Variants in SEMA6D observed in about 807,000 individuals in gnomAD.
The protein encoded by SEMA6D is semaphorin 6D.
In SEMA6D, 35 loss-of-function variants were observed where a neutral mutation model predicts 106.6. The ratio of observed to expected loss-of-function variants is 0.33; its 90% CI spans 0.25 to 0.44. SEMA6D has a LOEUF of 0.44. Among genes scored for constraint, SEMA6D ranks in the 20% least tolerant of loss-of-function variants. SEMA6D has a pLI of 1.00. For missense variants in SEMA6D, 1,185 were observed against 1,345.9 expected, an observed-to-expected ratio of 0.88 and a Z score of 1.87; for synonymous variants, 499 against 487.7, an observed-to-expected ratio of 1.02 and a Z score of -0.31.
intron 1 of SEMA6D, among the ~76,000 whole-genome samples, chr15:47,208,106 C>G (rs1429308492): frequency 6.6e-6 from 1 of 151,406 alleles, no homozygotes; most frequent in East Asian, 1.9e-4. Context: ...GGTTTAAATC[C>G]TGTCTCTGCC....
At chr15:47,406,760 C>T (rs185811317) in intron 1 of SEMA6D, among the ~76,000 whole-genome samples, 17 of 141,040 alleles carry the variant, frequency 1.2e-4, no homozygotes, top group African/African-American at 4.4e-4. Context: ...GGGAGTAGAT[C>T]TCAAGTGTTC....
chr15:47,302,023 A>G (rs1235341473), intron 1 of SEMA6D, among the ~76,000 whole-genome samples: 5 of 152,236 alleles, frequency 3.3e-5, no homozygotes, highest in Admixed American at 6.5e-5. Flanking sequence ...AACAACAGTA[A>G]CAACCAAGTA....
intron 3 of SEMA6D, among the ~76,000 whole-genome samples, chr15:47,482,442 A>C (rs2043178047): frequency 6.6e-6 from 1 of 152,060 alleles, no homozygotes; most frequent in African/African-American, 2.4e-5. Context: ...CCTTCTCAAC[A>C]CAGTCCTCTG....
intron 3 of SEMA6D, among the ~76,000 whole-genome samples, chr15:47,476,929 G>A (rs894317954): frequency 2.6e-5 from 4 of 152,134 alleles, no homozygotes; most frequent in East Asian, 1.9e-4. Flanking sequence ...ACAGGAGACC[G>A]TAATACTTAG....
intron 1 of SEMA6D, among the ~76,000 whole-genome samples, chr15:47,249,480 C>T (rs1346817693): frequency 6.6e-6 from 1 of 151,568 alleles, no homozygotes; most frequent in Non-Finnish European, 1.5e-5. Context: ...TCAACCACCC[C>T]CCTACTCTCT....
rs1258338355 is a variant in SEMA6D at position 47,348,723 on chromosome 15, C to CAGAGAGAGAGAGAGAGAGAGAGAG, written c.-238-63669_-238-63668insGAGAGAGAGAGAGAGAGAGAGAGA. On this transcript the variant is annotated intron_variant, in intron 1 of 19. Coordinates refer to the SEMA6D transcript ENST00000558014. ...CACACACACACACACACACACCACA[C>CAGAGAGAGAGAGAGAGAGAGAGAG]ACACAGAGAGAGAGAGAGAGAGAGA... Among the ~76,000 whole-genome samples the CAGAGAGAGAGAGAGAGAGAGAGAG allele has an allele frequency of 1.7e-3, 76 of 45,606 alleles. 9 individuals are homozygous for CAGAGAGAGAGAGAGAGAGAGAGAG. Among genetic ancestry groups the CAGAGAGAGAGAGAGAGAGAGAGAG allele is most frequent in the African/African-American group, 3.8e-3 (66 of 17,540 alleles). The allele number at this position is 45,606 out of a possible 152,430, so 29.9% of individuals were successfully genotyped here. A position where few individuals can be genotyped will look rare whatever the true frequency, so the allele number is the denominator to read the frequency against.
chr15:47,440,162 T>C (rs952739589), intron 2 of SEMA6D, among the ~76,000 whole-genome samples: 20 of 151,620 alleles, frequency 1.3e-4, no homozygotes, highest in Non-Finnish European at 8.8e-5. Flanking sequence ...GTTTTAGAAA[T>C]AGAGGGAGGA....
intron 3 of SEMA6D, among the ~76,000 whole-genome samples, chr15:47,542,960 CAA>C (rs1439202240): frequency 6.6e-6 from 1 of 152,104 alleles, no homozygotes; most frequent in African/African-American, 2.4e-5. Flanking sequence ...GACCTCAGGT[CAA>C]GTTAGGTGCC....
chr15:47,476,233 A>G (rs1029683607), intron 3 of SEMA6D, among the ~76,000 whole-genome samples: 4 of 152,200 alleles, frequency 2.6e-5, no homozygotes, highest in Non-Finnish European at 5.9e-5. Context: ...AAAGATGAGT[A>G]GAGAAATGAA....
intron 3 of SEMA6D, among the ~76,000 whole-genome samples, chr15:47,487,040 T>G (rs1266872428): frequency 6.6e-6 from 1 of 152,206 alleles, no homozygotes; most frequent in East Asian, 1.9e-4. Flanking sequence ...CAAGGCAATA[T>G]TAAATAAACA....
At chr15:47,660,511 G>A (rs1190135821) in intron 4 of SEMA6D, among the ~76,000 whole-genome samples, 15 of 152,104 alleles carry the variant, frequency 9.9e-5, no homozygotes, top group Admixed American at 8.5e-4. Flanking sequence ...AGACCCAGGC[G>A]GATGCAAAGG....
intron 4 of SEMA6D, chr15:47,603,408 C>T (rs1157933496): frequency 6.6e-6 from 1 of 152,138 alleles, no homozygotes; most frequent in African/African-American, 2.4e-5. Context: ...CTTACTCCTT[C>T]AGGAAAGCAA....
At chr15:47,466,959 C>T (rs547288747) in intron 2 of SEMA6D, among the ~76,000 whole-genome samples, 2 of 151,004 alleles carry the variant, frequency 1.3e-5, no homozygotes. Context: ...AAACTCCTGA[C>T]CTCAAATGAT....
intron 4 of SEMA6D, among the ~76,000 whole-genome samples, chr15:47,617,759 C>A (rs551364383): frequency 1.5e-4 from 23 of 152,262 alleles, no homozygotes; most frequent in Non-Finnish European, 2.4e-4. Flanking sequence ...GGGATGGTAC[C>A]TACCTCTTAG....
At chr15:47,589,267 T>G (rs2076396025) in intron 3 of SEMA6D, among the ~76,000 whole-genome samples, 1 of 152,142 alleles carries the variant, frequency 6.6e-6, no homozygotes, top group Non-Finnish European at 1.5e-5. Flanking sequence ...GGGAAATACT[T>G]TCATGTTTCT....
intron 3 of SEMA6D, among the ~76,000 whole-genome samples, chr15:47,562,511 A>C (rs144893968): frequency 6.6e-6 from 1 of 152,206 alleles, no homozygotes; most frequent in East Asian, 1.9e-4. Context: ...GAAACTGAGA[A>C]AAATGTATTT....
chr15:47,388,818 G>T (rs556607719), intron 1 of SEMA6D, among the ~76,000 whole-genome samples: 1 of 152,194 alleles, frequency 6.6e-6, no homozygotes, highest in East Asian at 1.9e-4. Flanking sequence ...ATGGCATAAA[G>T]ATTTAGACAC....
At chr15:47,635,427 T>G (rs1360397993) in intron 4 of SEMA6D, among the ~76,000 whole-genome samples, 1 of 152,134 alleles carries the variant, frequency 6.6e-6, no homozygotes, top group Non-Finnish European at 1.5e-5. Context: ...CAGCTCCCAA[T>G]AGGGTCCTTT....
chr15:47,739,024 G>C (rs1347785213), intron 1 of SEMA6D, among the ~76,000 whole-genome samples: 1 of 152,058 alleles, frequency 6.6e-6, no homozygotes, highest in Non-Finnish European at 1.5e-5. Context: ...TCAGTAGCTG[G>C]GTTCCAACCA....
Sources: gnomAD v4.1 joint callset for allele counts (sites outside exome capture counted in the v4.1 genomes callset) on GRCh38, gnomAD v4.1.1 for gene constraint, MANE v1.5 for transcripts, NCBI Gene and HGNC (gene_info 2026-07-23, HGNC 2026-07-21) for gene names.